CD226: variants seen among roughly 807,000 people sequenced by gnomAD.
CD226 encodes CD226 antigen.
CD226 carries 24 observed loss-of-function variants against 34.9 expected under a neutral mutation model. The observed-to-expected ratio is 0.69, with a 90% confidence interval of 0.50 to 0.97. The LOEUF is 0.97. Among genes scored for constraint, CD226 ranks in the 50% least tolerant of loss-of-function variants. The probability of loss-of-function intolerance (pLI) is 0.00; values close to 1 mark genes in which losing one functional copy is unlikely to be tolerated. For synonymous variants in CD226, 148 were observed against 147.4 expected (o/e 1.00, Z -0.03); for missense variants, 397 against 412.7 (o/e 0.96, Z 0.33).
chr18:69,952,551 A>G (rs2145381312), upstream of CD226, among the ~76,000 whole-genome samples: 1 of 152,362 alleles, frequency 6.6e-6, no homozygotes, highest in Middle Eastern at 3.4e-3. Flanking sequence ...GGATAGCCAC[A>G]TGCAAAAGCA....
At position 69,864,434 on chromosome 18, in the gene CD226, G is replaced by A; in HGVS notation, c.891C>T (p.Pro297=). Residue 297 remains proline (P), a synonymous_variant, in exon 6 of 6, where the codon CCC becomes CCT. Coordinates refer to ENST00000582621, the MANE Select transcript of CD226 (RefSeq NM_001303618.2). ...TAGAGATGGGACTTCTATAGTTATT[G>A]GGTGCCTAGAAAGACAAACAGCAGA... is the stretch of plus-strand genomic sequence containing the variant. ...FTESWDTQKA[P]NNYRSPISTS... is the part of the protein sequence containing the mutation. 1.2e-6 allele frequency: 2 copies of A among 1,612,754 alleles called. No individual in the cohort carries two copies. Among genetic ancestry groups the A allele is most frequent in the Non-Finnish European group, 1.7e-6 (2 of 1,179,300 alleles).
At chr18:69,899,620 CACAA>C (rs1228446917) in intron 2 of CD226, among the ~76,000 whole-genome samples, 1 of 152,140 alleles carries the variant, frequency 6.6e-6, no homozygotes, top group African/African-American at 2.4e-5. Flanking sequence ...GGGTAAAGGA[CACAA>C]ACAGACACTT....
chr18:69,959,331 C>G (rs544468297), upstream of CD226, among the ~76,000 whole-genome samples: 1 of 152,282 alleles, frequency 6.6e-6, no homozygotes, highest in East Asian at 1.9e-4. Context: ...CAAGAGCCCT[C>G]TCTCCAACAT....
chr18:69,863,751 G>C lies in CD226; in HGVS notation c.*563C>G, dbSNP rs1302464689. On this transcript the variant is annotated 3_prime_UTR_variant, in exon 6 of 6. Coordinates refer to ENST00000582621, the MANE Select transcript of CD226 (RefSeq NM_001303618.2). Reference sequence around the variant, plus strand: ...GCTTTGACCCTGCTTCTCAGCTCTAGAAGTGAACCCTTAGTTTACTTAAGC... The same window carrying C: ...GCTTTGACCCTGCTTCTCAGCTCTACAAGTGAACCCTTAGTTTACTTAAGC... 6.6e-6 allele frequency: 1 copy of C among 152,446 alleles called. No homozygotes were observed. Among genetic ancestry groups the C allele is most frequent in the African/African-American group, 2.4e-5 (1 of 41,434 alleles). The allele number at this position is 152,446 out of a possible 1,614,324, so 9.4% of individuals were successfully genotyped here.
In CD226 at chr18:69,855,061, A is replaced by G. The variant is rs899832701; in HGVS notation, c.*9253T>C. ...TCAGATTAAGATAAGTCTGCAAGCT[A>G]AAGACTTATTTACCTGTTCCTATTA... On this transcript the variant is annotated 3_prime_UTR_variant, in exon 6 of 6. Transcript: ENST00000582621. The G allele has an allele frequency of 1.3e-5, 2 of 152,236 alleles. No individual in the cohort carries two copies. Among genetic ancestry groups the G allele is most frequent in the Admixed American group, 6.5e-5 (1 of 15,284 alleles). The allele number at this position is 152,236 out of a possible 1,614,324, so 9.4% of individuals were successfully genotyped here.
chr18:69,871,647 G>A (rs1009584539), intron 4 of CD226, among the ~76,000 whole-genome samples: 1 of 152,232 alleles, frequency 6.6e-6, no homozygotes, highest in Non-Finnish European at 1.5e-5. Flanking sequence ...TGATACATAG[G>A]AATGCAGCCA....
intron 3 of CD226, among the ~76,000 whole-genome samples, chr18:69,873,590 G>T: frequency 6.6e-6 from 1 of 151,920 alleles, no homozygotes; most frequent in Admixed American, 6.6e-5. Context: ...TATTAAAATA[G>T]GAAATAGGCC....
At chr18:69,913,050 A>G (rs2055344435) in intron 2 of CD226, among the ~76,000 whole-genome samples, 1 of 152,200 alleles carries the variant, frequency 6.6e-6, no homozygotes, top group Non-Finnish European at 1.5e-5. Context: ...TATTATGAAT[A>G]GGGACAATAG....
At chr18:69,956,383 T>TA (rs144641693) in intron 1 of CD226, among the ~76,000 whole-genome samples, 1,829 of 152,366 alleles carry the variant, frequency 0.012, 18 homozygotes, top group Non-Finnish European at 0.019. Flanking sequence ...ATTTATTATT[T>TA]AAGTTCATCC....
rs1414136903 is a variant in CD226, at chr18:69,857,406, CTT to C, written c.*6906_*6907del. Reference sequence around the variant, plus strand: ...ACATCCAAAGCTGTTACTCAGAAAACTTAGTATCACTGAGAGTATATTGGAGA... The same window carrying C: ...ACATCCAAAGCTGTTACTCAGAAAACAGTATCACTGAGAGTATATTGGAGA... On this transcript the variant is annotated 3_prime_UTR_variant, in exon 6 of 6. Coordinates refer to ENST00000582621, the MANE Select transcript of CD226 (RefSeq NM_001303618.2). 3.3e-5 allele frequency: 5 copies of C among 152,140 alleles called. No homozygotes were observed. Among genetic ancestry groups the C allele is most frequent in the African/African-American group, 1.2e-4 (5 of 41,442 alleles). 9.4% of individuals were successfully genotyped at this position (152,140 alleles called of 1,614,324 possible). A position where few individuals can be genotyped will look rare whatever the true frequency, so the allele number is the denominator to read the frequency against.
Position 69,934,279 on chromosome 18 carries a change from T to TACACACACACACAC in CD226, c.382+12441_382+12454dup, listed in dbSNP as rs760259895. ...GAAATGATCCTGTCCACACAGAGGA[T>TACACACACACACAC]ACACACACACACACACACACACACA... On this transcript the variant is annotated intron_variant, in intron 2 of 5. Coordinates refer to ENST00000582621, the MANE Select transcript of CD226 (RefSeq NM_001303618.2). 5.7e-4 allele frequency among the ~76,000 whole-genome samples: 42 copies of TACACACACACACAC among 73,212 alleles called. 1 individual carries two copies. The highest frequency in any genetic ancestry group is 1.0e-3 in the African/African-American group (38 of 37,430). The allele number at this position is 73,212 out of a possible 152,430, so 48.0% of individuals were successfully genotyped here.
In CD226 at chr18:69,855,448, C is replaced by T. The variant is rs1046713470; in HGVS notation, c.*8866G>A. 2.0e-5 allele frequency: 3 copies of T among 152,078 alleles called. No individual in the cohort carries two copies. Among genetic ancestry groups the T allele is most frequent in the Admixed American group, 6.6e-5 (1 of 15,258 alleles). 9.4% of individuals were successfully genotyped at this position (152,078 alleles called of 1,614,324 possible). On this transcript the variant is annotated 3_prime_UTR_variant, in exon 6 of 6. Transcript: ENST00000582621. ...GACTTTGAAGCTAGGCCAATAGAAA[C>T]TTTTCAAACTAAAATTCAAAGAGTG...
intron 2 of CD226, among the ~76,000 whole-genome samples, chr18:69,908,522 A>G (rs1473009909): frequency 1.3e-5 from 2 of 152,248 alleles, no homozygotes; most frequent in Middle Eastern, 3.2e-3. Flanking sequence ...TTAACCAAAC[A>G]GAATGAAAAT....
intron 2 of CD226, among the ~76,000 whole-genome samples, chr18:69,944,981 A>G (rs972001705): frequency 6.6e-6 from 1 of 152,204 alleles, no homozygotes; most frequent in Non-Finnish European, 1.5e-5. Context: ...TCTCCTGACC[A>G]TTTGATATTC....
At chr18:69,928,276 T>C (rs2055547780) in intron 2 of CD226, among the ~76,000 whole-genome samples, 1 of 152,192 alleles carries the variant, frequency 6.6e-6, no homozygotes, top group African/African-American at 2.4e-5. Context: ...TCATTTTCTA[T>C]CACTCCCCCT....
intron 2 of CD226, among the ~76,000 whole-genome samples, chr18:69,924,551 A>C (rs1407377429): frequency 7.4e-6 from 1 of 135,898 alleles, no homozygotes; most frequent in Non-Finnish European, 1.5e-5. Flanking sequence ...CTAGACTTAC[A>C]AAAAAAAAAA....
chr18:69,928,589 C>A (rs2055552052), intron 2 of CD226, among the ~76,000 whole-genome samples: 1 of 152,154 alleles, frequency 6.6e-6, no homozygotes, highest in Non-Finnish European at 1.5e-5. Flanking sequence ...TATCCCTTAT[C>A]CAAAATACTT....
chr18:69,875,105 C>T (rs558918776), intron 3 of CD226, among the ~76,000 whole-genome samples: 1 of 152,070 alleles, frequency 6.6e-6, no homozygotes, highest in Non-Finnish European at 1.5e-5. Context: ...CATCAGATTG[C>T]TGGTTCATAT....
At chr18:69,942,132 G>A (rs2089004098) in intron 2 of CD226, among the ~76,000 whole-genome samples, 2 of 152,044 alleles carry the variant, frequency 1.3e-5, no homozygotes, top group Non-Finnish European at 2.9e-5. Context: ...ACTGAACTGT[G>A]AGTCAATTAA....
Sources: gnomAD v4.1 joint callset for allele counts (sites outside exome capture counted in the v4.1 genomes callset) on GRCh38, gnomAD v4.1.1 for gene constraint, MANE v1.5 for transcripts, NCBI Gene and HGNC (gene_info 2026-07-23, HGNC 2026-07-21) for gene names.